The following ERC2 variants were observed in gnomAD, a reference collection of about 807,000 sequenced individuals.
ERC2 encodes ERC protein 2.
In ERC2, 42 loss-of-function variants were observed where a neutral mutation model predicts 114.8. The observed-to-expected ratio is 0.37, with a 90% confidence interval of 0.29 to 0.47. The LOEUF (loss-of-function observed/expected upper bound fraction) is 0.47, where lower values mean the gene tolerates loss of function less well. Ranked by LOEUF, ERC2 falls within the 20% of genes least tolerant of loss-of-function variation. The probability of loss-of-function intolerance (pLI) is 0.99; values close to 1 mark genes in which losing one functional copy is unlikely to be tolerated. For missense variants in ERC2, 939 were observed against 1,150.7 expected, an observed-to-expected ratio of 0.82 and a Z score of 2.66; for synonymous variants, 454 against 425.5, an observed-to-expected ratio of 1.07 and a Z score of -0.82.
intron 3 of ERC2, among the ~76,000 whole-genome samples, chr3:56,202,195 T>C (rs1446134318): frequency 1.3e-5 from 2 of 152,216 alleles, no homozygotes; most frequent in Non-Finnish European, 2.9e-5. Flanking sequence ...AAACCTCATT[T>C]GGGTTTTGAA....
chr3:56,312,994 GTATATTCATATATATA>G (rs1344838993), intron 2 of ERC2, among the ~76,000 whole-genome samples: 1 of 19,724 alleles, frequency 5.1e-5, no homozygotes, highest in African/African-American at 1.4e-4. Context: ...TAGTGAATAT[GTATATTCATATATATA>G]TATATATATA....
intron 14 of ERC2, among the ~76,000 whole-genome samples, chr3:55,789,653 A>G (rs926045662): frequency 1.3e-5 from 2 of 152,228 alleles, no homozygotes; most frequent in Admixed American, 1.3e-4. Flanking sequence ...TACAATTGCT[A>G]TCATTTCCCC....
At chr3:55,946,786 A>T (rs2067150936) in intron 13 of ERC2, among the ~76,000 whole-genome samples, 1 of 152,202 alleles carries the variant, frequency 6.6e-6, no homozygotes, top group Non-Finnish European at 1.5e-5. Flanking sequence ...TCCAAAAAAA[A>T]TGATTTGAGA....
intron 3 of ERC2, among the ~76,000 whole-genome samples, chr3:56,278,483 G>A (rs757607013): frequency 1.6e-4 from 24 of 152,198 alleles, no homozygotes; most frequent in Non-Finnish European, 3.4e-4. Context: ...TGTAACATAG[G>A]ATCCTGGAAT....
chr3:56,126,486 A>C (rs1266598123), intron 6 of ERC2, among the ~76,000 whole-genome samples: 1 of 152,244 alleles, frequency 6.6e-6, no homozygotes, highest in Non-Finnish European at 1.5e-5. Flanking sequence ...TACATATGGA[A>C]ACCCTAAACA....
intron 14 of ERC2, among the ~76,000 whole-genome samples, chr3:55,770,795 T>C (rs2068141101): frequency 6.8e-6 from 1 of 147,162 alleles, no homozygotes. Context: ...CTCCCTCCCC[T>C]TGCCCCCCAC....
intron 14 of ERC2, among the ~76,000 whole-genome samples, chr3:55,744,214 C>T (rs1021696445): frequency 6.6e-6 from 1 of 152,052 alleles, no homozygotes; most frequent in Non-Finnish European, 1.5e-5. Context: ...ACCAACCTGG[C>T]CAACATGGTG....
At chr3:55,597,345 A>T (rs1011579041) in intron 17 of ERC2, among the ~76,000 whole-genome samples, 2 of 150,284 alleles carry the variant, frequency 1.3e-5, no homozygotes, top group South Asian at 4.2e-4. Context: ...GCATGAACCC[A>T]GGAGGTGGAG....
chr3:55,724,090 CA>C (rs1358114185), intron 15 of ERC2, among the ~76,000 whole-genome samples: 2 of 151,928 alleles, frequency 1.3e-5, no homozygotes, highest in Non-Finnish European at 2.9e-5. Context: ...GGCTTTCCAA[CA>C]GATACCTTGA....
intron 14 of ERC2, among the ~76,000 whole-genome samples, chr3:55,870,644 C>T (rs972978702): frequency 3.9e-5 from 6 of 152,122 alleles, no homozygotes; most frequent in South Asian, 4.1e-4. Context: ...CACTTACCCT[C>T]GTGCTAATGC....
chr3:55,750,135 T>C (rs2066593732), intron 14 of ERC2, among the ~76,000 whole-genome samples: 1 of 149,676 alleles, frequency 6.7e-6, no homozygotes, highest in South Asian at 2.1e-4. Context: ...TGGGTAAGGC[T>C]TGCAAACTGA....
chr3:56,308,553 A>T (rs1300322571), intron 2 of ERC2, among the ~76,000 whole-genome samples: 1 of 152,190 alleles, frequency 6.6e-6, no homozygotes, highest in Non-Finnish European at 1.5e-5. Context: ...GGAACACACA[A>T]TTATTTAAAT....
At chr3:55,583,399 T>TTCCTTCC (rs2057375577) in intron 17 of ERC2, among the ~76,000 whole-genome samples, 12 of 87,072 alleles carry the variant, frequency 1.4e-4, no homozygotes, top group African/African-American at 1.8e-4. Context: ...TCCTTCCTTC[T>TTCCTTCC]TTCCTTCCTT....
intron 3 of ERC2, among the ~76,000 whole-genome samples, chr3:56,207,794 C>T (rs2048829706): frequency 6.6e-6 from 1 of 152,060 alleles, no homozygotes; most frequent in African/African-American, 2.4e-5. Flanking sequence ...AGGAGAGTCC[C>T]TGGTACAATG....
intron 6 of ERC2, among the ~76,000 whole-genome samples, chr3:56,088,722 A>G (rs970483969): frequency 6.6e-6 from 1 of 152,186 alleles, no homozygotes; most frequent in Non-Finnish European, 1.5e-5. Flanking sequence ...TGGCCTTTCA[A>G]ATGTCATGAA....
At chr3:56,414,747 A>G (rs2107154778) in intron 2 of ERC2, among the ~76,000 whole-genome samples, 1 of 151,624 alleles carries the variant, frequency 6.6e-6, no homozygotes, top group South Asian at 2.1e-4. Context: ...AAGAAAAGAA[A>G]AGGAAAAGAA....
In ERC2 at chr3:56,414,804, C is replaced by G. The variant is rs914568684; in HGVS notation, c.657+19547G>C. On this transcript the variant is annotated intron_variant, in intron 2 of 17. Coordinates refer to ENST00000288221, the MANE Select transcript of ERC2 (RefSeq NM_015576.3). ...TCTCTCTCCCTCTCTGTCTCTCCCC[C>G]CAGGTACAGAGTTTTCACTCAGGAC... is the stretch of plus-strand genomic sequence containing the variant. Among the ~76,000 whole-genome samples the G allele has an allele frequency of 6.6e-5, 10 of 152,084 alleles. No individual in the cohort carries two copies. The South Asian group carries it at 8.3e-4, about 13-fold the overall frequency.
intron 2 of ERC2, among the ~76,000 whole-genome samples, chr3:56,426,760 A>G (rs962223118): frequency 6.6e-6 from 1 of 152,230 alleles, no homozygotes; most frequent in African/African-American, 2.4e-5. Flanking sequence ...GCCAACCTGC[A>G]GATATGTGAG....
At chr3:56,042,540 C>G (rs1412075980) in intron 7 of ERC2, among the ~76,000 whole-genome samples, 1 of 152,028 alleles carries the variant, frequency 6.6e-6, no homozygotes, top group Non-Finnish European at 1.5e-5. Flanking sequence ...ATCATGACAC[C>G]CTGTGGAATA....
Sources: allele counts gnomAD v4.1 joint callset (sites outside exome capture counted in the v4.1 genomes callset), GRCh38; gene constraint gnomAD v4.1.1; transcripts MANE v1.5; gene names NCBI Gene and HGNC (gene_info 2026-07-23, HGNC 2026-07-21).